The following ENOX1 variants were observed in gnomAD, a reference collection of about 807,000 sequenced individuals.
The protein encoded by ENOX1 is ecto-NOX disulfide-thiol exchanger 1, also known as candidate growth-related and time keeping constitutive hydroquinone (NADH) oxidase.
ENOX1 carries 42 observed loss-of-function variants against 82.5 expected under a neutral mutation model. The observed-to-expected ratio is 0.51, with a 90% CI of 0.40 to 0.66. The LOEUF (loss-of-function observed/expected upper bound fraction) is 0.66, where lower values mean the gene tolerates loss of function less well. Ranked by LOEUF, ENOX1 falls within the 30% of genes least tolerant of loss-of-function variation. The probability of loss-of-function intolerance (pLI) is 0.00; values close to 1 mark genes in which losing one functional copy is unlikely to be tolerated. For synonymous variants in ENOX1, 271 were observed against 282.2 expected, an observed-to-expected ratio of 0.96 and a Z score of 0.40; for missense variants, 608 against 811.6, an observed-to-expected ratio of 0.75 and a Z score of 3.05.
At chr13:43,556,422 C>A (rs2079438272) in intron 2 of ENOX1, among the ~76,000 whole-genome samples, 1 of 152,188 alleles carries the variant, frequency 6.6e-6, no homozygotes, top group Admixed American at 6.5e-5. Context: ...TTTTGCTTTG[C>A]AGTCATACTG....
At chr13:43,584,867 C>T (rs2080906271) in intron 2 of ENOX1, among the ~76,000 whole-genome samples, 1 of 152,132 alleles carries the variant, frequency 6.6e-6, no homozygotes, top group African/African-American at 2.4e-5. Flanking sequence ...TCACCAAAAT[C>T]TCCATCCGCA....
intron 2 of ENOX1, among the ~76,000 whole-genome samples, chr13:43,512,497 CT>C (rs1427500629): frequency 1.3e-5 from 2 of 152,086 alleles, no homozygotes; most frequent in East Asian, 3.9e-4. Context: ...ATATAATTGA[CT>C]GAAAAACTTG....
intron 1 of ENOX1, among the ~76,000 whole-genome samples, chr13:43,775,305 C>T (rs1278554147): frequency 6.6e-6 from 1 of 152,060 alleles, no homozygotes. Flanking sequence ...GTGTGCATCC[C>T]TAATATTTTT....
intron 3 of ENOX1, among the ~76,000 whole-genome samples, chr13:43,453,316 G>T (rs1395777483): frequency 6.6e-6 from 1 of 152,236 alleles, no homozygotes; most frequent in Non-Finnish European, 1.5e-5. Context: ...AACTTTTAGG[G>T]AGCAGTACCT....
chr13:43,379,130 C>T (rs1231426386), intron 5 of ENOX1, among the ~76,000 whole-genome samples: 3 of 152,136 alleles, frequency 2.0e-5, no homozygotes, highest in African/African-American at 7.2e-5. Context: ...GAAAGAAATG[C>T]AGCCCCGATG....
intron 1 of ENOX1, among the ~76,000 whole-genome samples, chr13:43,679,840 C>T (rs1199016832): frequency 6.6e-6 from 1 of 152,232 alleles, no homozygotes; most frequent in Non-Finnish European, 1.5e-5. Flanking sequence ...ATCTGCATAT[C>T]ATGGAAACAA....
At chr13:43,481,831 A>G (rs982962713) in intron 3 of ENOX1, among the ~76,000 whole-genome samples, 1 of 152,162 alleles carries the variant, frequency 6.6e-6, no homozygotes, top group Non-Finnish European at 1.5e-5. Flanking sequence ...CAAATAATAT[A>G]ATTTAAAAAT....
chr13:43,515,616 A>G (rs921135398), intron 2 of ENOX1, among the ~76,000 whole-genome samples: 16 of 152,196 alleles, frequency 1.1e-4, no homozygotes, highest in African/African-American at 3.9e-4. Flanking sequence ...CAGAAAAGCT[A>G]AAGGGACTTC....
intron 1 of ENOX1, among the ~76,000 whole-genome samples, chr13:43,747,374 A>G (rs1254081951): frequency 6.6e-6 from 1 of 152,222 alleles, no homozygotes; most frequent in Non-Finnish European, 1.5e-5. Flanking sequence ...AGGTCAAGTA[A>G]CTTCCTTTTA....
intron 2 of ENOX1, among the ~76,000 whole-genome samples, chr13:43,507,021 C>G (rs4346112): frequency 0.97 from 147,660 of 151,852 alleles, 71,930 homozygotes; most frequent in East Asian, 1. Context: ...GAGTGATTGA[C>G]AGAATAGAAC....
At chr13:43,456,538 T>G (rs2057238847) in intron 3 of ENOX1, among the ~76,000 whole-genome samples, 1 of 152,058 alleles carries the variant, frequency 6.6e-6, no homozygotes, top group Admixed American at 6.5e-5. Context: ...TGGACTGAGT[T>G]TCTGCAGATA....
intron 2 of ENOX1, among the ~76,000 whole-genome samples, chr13:43,581,122 A>ATTATTT (rs1351057664): frequency 1.2e-5 from 1 of 85,104 alleles, no homozygotes; most frequent in Admixed American, 1.2e-4. Context: ...GCACTACCTG[A>ATTATTT]TTCTTTTTTT....
At chr13:43,450,165 G>C (rs2056882597) in intron 3 of ENOX1, among the ~76,000 whole-genome samples, 1 of 152,178 alleles carries the variant, frequency 6.6e-6, no homozygotes, top group Non-Finnish European at 1.5e-5. Context: ...TTAAAAGTAA[G>C]TTCTGGCTGA....
In ENOX1 at chr13:43,754,821, C is replaced by T. The variant is rs538853839; in HGVS notation, c.-285+31831G>A. ...TCCTGGTCTCAAGTGACCCTCCCAC[C>T]ATGGTCTTCCAAAGTGCTGGGATTC... On this transcript the variant is annotated intron_variant, in intron 1 of 16. Transcript: ENST00000690772. 9.2e-5 allele frequency among the ~76,000 whole-genome samples: 14 copies of T among 152,248 alleles called. No individual in the cohort carries two copies. The East Asian group carries it at 2.5e-3, about 27-fold the overall frequency.
At chr13:43,529,306 C>G (rs942051487) in intron 2 of ENOX1, among the ~76,000 whole-genome samples, 5 of 151,992 alleles carry the variant, frequency 3.3e-5, no homozygotes, top group Non-Finnish European at 7.4e-5. Flanking sequence ...AATCAACTGT[C>G]CTTGTATCTC....
chr13:43,618,894 G>A (rs976229498), intron 2 of ENOX1, among the ~76,000 whole-genome samples: 3 of 151,626 alleles, frequency 2.0e-5, no homozygotes, highest in Non-Finnish European at 2.9e-5. Context: ...CCATTTGTTC[G>A]TGTCATCTAT....
intron 3 of ENOX1, among the ~76,000 whole-genome samples, chr13:43,447,345 G>T (rs761733700): frequency 1.3e-5 from 2 of 152,156 alleles, no homozygotes; most frequent in South Asian, 4.2e-4. Flanking sequence ...TACTTTTCCA[G>T]CAGTGTGGAT....
chr13:43,501,804 A>C (rs534298256), intron 2 of ENOX1, among the ~76,000 whole-genome samples: 14 of 150,918 alleles, frequency 9.3e-5, no homozygotes, highest in African/African-American at 3.1e-4. Flanking sequence ...AAAAAAAAAA[A>C]GCTAAATGAA....
chr13:43,741,145 C>T (rs1033891818), intron 1 of ENOX1, among the ~76,000 whole-genome samples: 6 of 148,020 alleles, frequency 4.1e-5, no homozygotes, highest in African/African-American at 1.5e-4. Context: ...AGTGCAATGG[C>T]GTGATCTCAG....
Sources: allele counts gnomAD v4.1 joint callset (sites outside exome capture counted in the v4.1 genomes callset), GRCh38; gene constraint gnomAD v4.1.1; transcripts MANE v1.5; gene names NCBI Gene and HGNC (gene_info 2026-07-23, HGNC 2026-07-21).